ARHGEF7: variants seen among roughly 807,000 people sequenced by gnomAD.
ARHGEF7 encodes the protein PAK-interacting exchange factor beta.
Under a neutral mutation model 109.8 loss-of-function variants are expected in ARHGEF7, and 33 were observed. The observed-to-expected ratio is 0.30, with a 90% CI of 0.23 to 0.40. ARHGEF7 has a LOEUF of 0.40. Among genes scored for constraint, ARHGEF7 ranks in the 10% least tolerant of loss-of-function variants. ARHGEF7 has a pLI of 1.00. For missense variants in ARHGEF7, 938 were observed against 1,098.5 expected (o/e 0.85, Z 2.07); for synonymous variants, 458 against 424.6 (o/e 1.08, Z -0.97).
At chr13:111,116,018 CG>C (rs1180110956) in intron 1 of ARHGEF7, among the ~76,000 whole-genome samples, 2 of 152,086 alleles carry the variant, frequency 1.3e-5, no homozygotes, top group African/African-American at 4.8e-5. Context: ...CGTGGGGGGC[CG>C]GCCCCGCTCC....
At chr13:111,256,451 T>TC (rs1487509042) in intron 8 of ARHGEF7, among the ~76,000 whole-genome samples, 1 of 152,220 alleles carries the variant, frequency 6.6e-6, no homozygotes, top group Non-Finnish European at 1.5e-5. Flanking sequence ...CAGTATGGGC[T>TC]CCACCATCCC....
chr13:111,192,696 T>C (rs964866044), intron 2 of ARHGEF7, among the ~76,000 whole-genome samples: 4 of 152,188 alleles, frequency 2.6e-5, no homozygotes, highest in African/African-American at 4.8e-5. Context: ...GTGAAGGTGA[T>C]ATTGTATCCC....
intron 2 of ARHGEF7, among the ~76,000 whole-genome samples, chr13:111,197,977 C>CT (rs2080750587): frequency 6.6e-6 from 1 of 152,076 alleles, no homozygotes; most frequent in Non-Finnish European, 1.5e-5. Context: ...GGCGACATAA[C>CT]TTTGAGAGTT....
chr13:111,145,630 C>G lies in ARHGEF7; in HGVS notation c.166-8275C>G, dbSNP rs986926417. On this transcript the variant is annotated intron_variant, in intron 1 of 21. Coordinates refer to ENST00000646102, the MANE Select transcript of ARHGEF7 (RefSeq NM_001354046.2). This position sits in a 1 kb window ranked among gnomAD's most constrained non-coding sequence, Gnocchi z 4.3. Reference sequence around the variant, plus strand: ...ACTTACACCAGGGCTTTAAAGGCACCAGTGTGACGGGGTGACACCCATACA... The same window carrying G: ...ACTTACACCAGGGCTTTAAAGGCACGAGTGTGACGGGGTGACACCCATACA... 1.3e-5 allele frequency among the ~76,000 whole-genome samples: 2 copies of G among 152,170 alleles called. No homozygotes were observed. Among genetic ancestry groups the G allele is most frequent in the African/African-American group, 4.8e-5 (2 of 41,426 alleles).
Position 111,301,471 on chromosome 13 carries a change from GT to G in ARHGEF7, c.2412-4del, listed in dbSNP as rs2093566053. The G allele has an allele frequency of 6.2e-7, 1 of 1,612,722 alleles. No individual in the cohort carries two copies. The highest frequency in any genetic ancestry group is 1.3e-5 in the African/African-American group (1 of 74,866). ...TTCATGTGTGTGTGTTCTGTTTCCT[GT>G]TTCAGGAGTCTTGTGGATACCGTAT... is the stretch of plus-strand genomic sequence containing the variant. On this transcript the variant is annotated splice_region_variant and splice_polypyrimidine_tract_variant and intron_variant, in intron 20 of 21. Coordinates refer to ENST00000646102, the MANE Select transcript of ARHGEF7 (RefSeq NM_001354046.2).
chr13:111,293,555 T>C, intron 19 of ARHGEF7: 3 of 985,338 alleles, frequency 3.0e-6, no homozygotes, highest in Non-Finnish European at 3.6e-6. Flanking sequence ...TTGCATTCAG[T>C]TGTAGCATCA....
intron 8 of ARHGEF7, among the ~76,000 whole-genome samples, chr13:111,260,936 G>A (rs2091025401): frequency 6.6e-6 from 1 of 151,888 alleles, no homozygotes. Context: ...AAAAATAATG[G>A]GTTTTATTAT....
rs113384798 is a variant in ARHGEF7, at chr13:111,184,105, G to A, written c.253-21184G>A. On this transcript the variant is annotated intron_variant, in intron 2 of 21. Transcript: ENST00000646102. ...TGAATCACGGGTTGGTTTCCCCGCC[G>A]TTCTCATGATCGTGAATTAGTTCTC... is the stretch of plus-strand genomic sequence containing the variant. Among the ~76,000 whole-genome samples, 765 of 152,236 alleles carry A rather than the reference G, an allele frequency of 5.0e-3. 3 individuals carry two copies. Among genetic ancestry groups the A allele is most frequent in the African/African-American group, 0.017 (720 of 41,532 alleles).
At chr13:111,230,252 T>G (rs1007381975) in intron 5 of ARHGEF7, among the ~76,000 whole-genome samples, 1 of 152,192 alleles carries the variant, frequency 6.6e-6, no homozygotes, top group Non-Finnish European at 1.5e-5. Flanking sequence ...TCCCCACTCC[T>G]CAATACCAGT....
rs779901304 is a variant in ARHGEF7 at position 111,217,666 on chromosome 13, C to T, written c.469-13C>T. ...TTGGTATAATTTTTCTCCCACTCTT[C>T]TTCCCCTTTTAGGACATGACCGATA... On this transcript the variant is annotated splice_polypyrimidine_tract_variant and intron_variant, in intron 4 of 21. Coordinates refer to ENST00000646102, the MANE Select transcript of ARHGEF7 (RefSeq NM_001354046.2). 1 of 1,610,644 alleles carries T rather than the reference C, an allele frequency of 6.2e-7. No individual in the cohort carries two copies. The highest frequency in any genetic ancestry group is 1.7e-5 in the Admixed American group (1 of 60,008).
chr13:111,144,525 G>A (rs904636108), intron 1 of ARHGEF7: 1 of 152,222 alleles, frequency 6.6e-6, no homozygotes, highest in Non-Finnish European at 1.5e-5. Flanking sequence ...ATTATTGACT[G>A]TGGAATGAGC....
intron 5 of ARHGEF7, among the ~76,000 whole-genome samples, chr13:111,225,577 A>G (rs2085096072): frequency 6.6e-6 from 1 of 151,418 alleles, no homozygotes; most frequent in Non-Finnish European, 1.5e-5. Context: ...TTTTTCCAGC[A>G]CCATGTGCCC....
rs201232291 is a variant in ARHGEF7 at position 111,280,468 on chromosome 13, TG to T, written c.1586-64del. The stretch of plus-strand genomic sequence containing the variant: ...GGTGTTTAAGCGCTGAGTGGAATTC[TG>T]GGGGGTGTGCACGCACGTGCTTTTT... On this transcript the variant is annotated intron_variant, in intron 14 of 21. Transcript: ENST00000646102. 7.6e-6 allele frequency: 12 copies of T among 1,581,728 alleles called. 1 individual carries two copies. The South Asian group carries it at 9.2e-5, about 12-fold the overall frequency.
intron 2 of ARHGEF7, among the ~76,000 whole-genome samples, chr13:111,168,765 G>A (rs1264532300): frequency 6.6e-6 from 1 of 152,178 alleles, no homozygotes; most frequent in Non-Finnish European, 1.5e-5. Flanking sequence ...TGTAAAAATG[G>A]CATAGTTTTG....
intron 8 of ARHGEF7, 118 bp downstream of exon 8, chr13:111,244,412 A>G: frequency 1.5e-6 from 1 of 660,042 alleles, no homozygotes; most frequent in Non-Finnish European, 2.6e-6. Context: ...AGTTATTTTA[A>G]ATCTTTTGGG....
At chr13:111,133,217 A>G (rs541425197) in intron 1 of ARHGEF7, among the ~76,000 whole-genome samples, 140 of 152,202 alleles carry the variant, frequency 9.2e-4, no homozygotes, top group African/African-American at 3.1e-3. Flanking sequence ...ATGTGTATAT[A>G]TGTGTGCATT....
chr13:111,137,010 T>C (rs1450884398), intron 1 of ARHGEF7, among the ~76,000 whole-genome samples: 2 of 152,114 alleles, frequency 1.3e-5, no homozygotes, highest in African/African-American at 4.8e-5. Context: ...ATGGATAAAT[T>C]CCTCAACACA....
At position 111,180,579 on chromosome 13, in the gene ARHGEF7, T is replaced by A. The variant is rs368841161; in HGVS notation, c.253-24710T>A. On this transcript the variant is annotated intron_variant, in intron 2 of 21. Transcript: ENST00000646102. ...AGAAGGCTGTGTTGTAAGGCAGAGA[T>A]AGTGATCACACTACAGGAAGGAGAA... Among the ~76,000 whole-genome samples the A allele has an allele frequency of 7.2e-4, 109 of 152,306 alleles. 3 individuals carry two copies. In the South Asian group the frequency reaches 0.018, roughly 25 times the overall value.
chr13:111,293,901 A>G (rs1595600485), intron 19 of ARHGEF7: 1 of 985,424 alleles, frequency 1.0e-6, no homozygotes, highest in Admixed American at 6.1e-5. Context: ...CAGAGCTGCC[A>G]GGGAGCTCCT....
Sources: gnomAD v4.1 joint callset for allele counts (sites outside exome capture counted in the v4.1 genomes callset) on GRCh38, gnomAD v4.1.1 for gene constraint, Gnocchi (gnomAD v3.1) non-coding constraint, MANE v1.5 for transcripts, NCBI Gene and HGNC (gene_info 2026-07-23, HGNC 2026-07-21) for gene names.